GABPB2: variants seen among roughly 807,000 people sequenced by gnomAD.
GABPB2 encodes the protein GA binding protein transcription factor subunit beta 2.
A neutral mutation model predicts 39.1 loss-of-function variants in GABPB2; 23 were observed. The ratio of observed to expected loss-of-function variants is 0.59; its 90% CI spans 0.42 to 0.83. GABPB2 has a LOEUF of 0.83. Ranked by LOEUF, GABPB2 falls within the 40% of genes least tolerant of loss-of-function variation. GABPB2 has a pLI of 0.00. For missense variants in GABPB2, 467 were observed against 541.1 expected (o/e 0.86, Z 1.36); for synonymous variants, 184 against 199.3 (o/e 0.92, Z 0.65).
intron 1 of GABPB2, among the ~76,000 whole-genome samples, chr1:151,087,551 G>A (rs1558133595): frequency 6.6e-6 from 1 of 151,964 alleles, no homozygotes; most frequent in Admixed American, 6.6e-5. Context: ...GGAGGCTTAG[G>A]CAGGAGAATT....
chr1:151,105,964 ATT>A (rs777292015), intron 6 of GABPB2, among the ~76,000 whole-genome samples: 2 of 143,596 alleles, frequency 1.4e-5, no homozygotes, highest in Admixed American at 7.0e-5. Context: ...GTTATTTTAG[ATT>A]TTTTTTTTTT....
At chr1:151,096,753 G>C (rs1679125644) in intron 4 of GABPB2, among the ~76,000 whole-genome samples, 1 of 152,050 alleles carries the variant, frequency 6.6e-6, no homozygotes, top group African/African-American at 2.4e-5. Context: ...TTTTTCAATG[G>C]CCGAATGGAA....
Position 151,118,467 on chromosome 1 carries a change from A to G in GABPB2, c.*211A>G. 1 of 486,402 alleles carries G rather than the reference A, an allele frequency of 2.1e-6. No homozygotes were observed. The highest frequency in any genetic ancestry group is 3.6e-6 in the Non-Finnish European group (1 of 274,266). The allele number at this position is 486,402 out of a possible 1,614,324, so 30.1% of individuals were successfully genotyped here. On this transcript the variant is annotated 3_prime_UTR_variant, in exon 9 of 9. Coordinates refer to ENST00000368918, the MANE Select transcript of GABPB2 (RefSeq NM_144618.3). ...ATTTTTTCTGAGGGGCCAAAAGAAT[A>G]AAGGACCAAATTTCTTAGCTCATAT...
intron 1 of GABPB2, among the ~76,000 whole-genome samples, chr1:151,082,471 G>A (rs1208276177): frequency 7.0e-6 from 1 of 142,628 alleles, no homozygotes; most frequent in African/African-American, 2.7e-5. Flanking sequence ...GCTCGATCTC[G>A]GCTCACTGCA....
At chr1:151,111,756 G>A (rs922269956) in intron 7 of GABPB2, among the ~76,000 whole-genome samples, 4 of 150,430 alleles carry the variant, frequency 2.7e-5, no homozygotes, top group African/African-American at 7.3e-5. Flanking sequence ...CCATGGTCTC[G>A]AACTCCTGAC....
At chr1:151,092,837 A>G (rs1270206056) in intron 3 of GABPB2, among the ~76,000 whole-genome samples, 2 of 152,192 alleles carry the variant, frequency 1.3e-5, no homozygotes, top group Non-Finnish European at 2.9e-5. Context: ...TTAAAGGCTA[A>G]ACAGACTTAC....
At chr1:151,081,284 T>C (rs1266675147) in intron 1 of GABPB2, among the ~76,000 whole-genome samples, 2 of 151,648 alleles carry the variant, frequency 1.3e-5, no homozygotes, top group Non-Finnish European at 2.9e-5. Context: ...AGTTCAGGAG[T>C]TTGAGACCAG....
intron 2 of GABPB2, 113 bp from the exon 3 acceptor site, chr1:151,090,293 A>G: frequency 1.9e-6 from 2 of 1,044,676 alleles, no homozygotes; most frequent in South Asian, 3.3e-5. Context: ...TTATCTGCCC[A>G]ACCAGATTCT....
Position 151,123,213 on chromosome 1 carries a change from T to C in GABPB2, c.*4957T>C, listed in dbSNP as rs1246940411. On this transcript the variant is annotated 3_prime_UTR_variant, in exon 9 of 9. Transcript: ENST00000368918. ...GCTCACGCCTGTAATCCCAGCACTT[T>C]GAGAGGCTGAGGTGGGTAGATCACT... is the stretch of plus-strand genomic sequence containing the variant. The C allele has an allele frequency of 6.6e-6, 1 of 151,932 alleles. No homozygotes were observed. The highest frequency in any genetic ancestry group is 1.5e-5 in the Non-Finnish European group (1 of 67,986). 9.4% of individuals were successfully genotyped at this position (151,932 alleles called of 1,614,324 possible).
intron 6 of GABPB2, among the ~76,000 whole-genome samples, chr1:151,104,761 CTT>C (rs1679796287): frequency 7.5e-6 from 1 of 133,138 alleles, no homozygotes; most frequent in African/African-American, 3.0e-5. Flanking sequence ...ATCTGTGACT[CTT>C]TCTTTCTTTC....
chr1:151,082,579 T>G (rs1415041057), intron 1 of GABPB2, among the ~76,000 whole-genome samples: 4 of 151,200 alleles, frequency 2.6e-5, no homozygotes, highest in African/African-American at 9.7e-5. Flanking sequence ...ATTTTTTTTT[T>G]TTTGTATTTT....
chr1:151,076,794 AT>A (rs57200969), intron 1 of GABPB2, among the ~76,000 whole-genome samples: 396 of 119,964 alleles, frequency 3.3e-3, no homozygotes, highest in Middle Eastern at 0.018. Context: ...ACTTGGTCTG[AT>A]TTTTTTTTTT....
chr1:151,105,411 CAA>C, intron 6 of GABPB2, among the ~76,000 whole-genome samples: 1 of 147,100 alleles, frequency 6.8e-6, no homozygotes, highest in East Asian at 2.0e-4. Context: ...AAATGTATAT[CAA>C]ATATATATAC....
chr1:151,097,848 A>G lies in GABPB2; in HGVS notation c.472-4A>G. 1 of 1,612,912 alleles carries G rather than the reference A, an allele frequency of 6.2e-7. No homozygotes were observed. Among genetic ancestry groups the G allele is most frequent in the Non-Finnish European group, 8.5e-7 (1 of 1,179,294 alleles). ...TGATTGAAATATCCTGCCTTGTTTG[A>G]TAGGAAGCAATGCAGAATCAGGTGA... On this transcript the variant is annotated splice_region_variant and splice_polypyrimidine_tract_variant and intron_variant, in intron 4 of 8. Coordinates refer to ENST00000368918, the MANE Select transcript of GABPB2 (RefSeq NM_144618.3).
rs965094397 is a variant in GABPB2 at position 151,103,671 on chromosome 1, C to T, written c.732C>T (p.Ala244=). Residue 244 remains alanine (A), a synonymous_variant, in exon 6 of 9, where the codon GCC becomes GCT. Coordinates refer to ENST00000368918, the MANE Select transcript of GABPB2 (RefSeq NM_144618.3). ...ASVPLSNSHR[A]TANTEEIIEG... is the part of the protein sequence containing the mutation. ...TCCCCCTCTCCAACTCACACAGAGC[C>T]ACAGGTAGGTAAGGGATATGCTGCT... The T allele has an allele frequency of 2.1e-5, 34 of 1,606,060 alleles. No individual in the cohort carries two copies. The highest frequency in any genetic ancestry group is 2.5e-5 in the Non-Finnish European group (29 of 1,172,784).
Position 151,107,114 on chromosome 1 carries a change from G to A in GABPB2, c.814G>A (p.Val272Ile), listed in dbSNP as rs145125051. ...QQVMGSGGQRVITIVTDGVPL... is the reference protein window; with the variant it reads ...QQVMGSGGQRIITIVTDGVPL... Reference sequence around the variant, plus strand: ...AGTAATGGGGAGTGGAGGCCAGAGGGTCATCACCATAGTGACTGATGGAGT... The same window carrying A: ...AGTAATGGGGAGTGGAGGCCAGAGGATCATCACCATAGTGACTGATGGAGT... Residue 272 changes from valine (V) to isoleucine (I), a missense_variant, in exon 7 of 9, where the codon GTC becomes ATC. Val to Ile is a conservative substitution (Grantham distance 29). Transcript: ENST00000368918. 9.9e-5 allele frequency: 159 copies of A among 1,613,134 alleles called. No homozygotes were observed. Among genetic ancestry groups the A allele is most frequent in the Non-Finnish European group, 1.3e-4 (154 of 1,179,488 alleles).
chr1:151,097,427 T>C (rs932607542), intron 4 of GABPB2, among the ~76,000 whole-genome samples: 4 of 152,076 alleles, frequency 2.6e-5, no homozygotes, highest in African/African-American at 7.2e-5. Flanking sequence ...CTAGTTATAA[T>C]TGATAGAGCA....
chr1:151,103,338 G>A (rs1263224884), intron 5 of GABPB2, among the ~76,000 whole-genome samples: 3 of 152,002 alleles, frequency 2.0e-5, no homozygotes, highest in South Asian at 2.1e-4. Flanking sequence ...CAGGAATGGC[G>A]CCCGGCCCTC....
intron 1 of GABPB2, among the ~76,000 whole-genome samples, chr1:151,075,457 G>A (rs182494554): frequency 1.3e-5 from 2 of 151,838 alleles, no homozygotes; most frequent in South Asian, 2.1e-4. Context: ...CCAGCTACTC[G>A]GGAGGCCGAG....
Sources: gnomAD v4.1 joint callset for allele counts (sites outside exome capture counted in the v4.1 genomes callset) on GRCh38, gnomAD v4.1.1 for gene constraint, MANE v1.5 for transcripts, NCBI Gene and HGNC (gene_info 2026-07-23, HGNC 2026-07-21) for gene names.